The following B4GALNT4 variants were observed in gnomAD, a reference collection of about 807,000 sequenced individuals.
The protein encoded by B4GALNT4 is N-acetyl-beta-glucosaminyl-glycoprotein 4-beta-N-acetylgalactosaminyltransferase 1.
A neutral mutation model predicts 110.0 loss-of-function variants in B4GALNT4; 77 were observed. That is an observed-to-expected ratio of 0.70 (90% CI 0.58 to 0.85). B4GALNT4 has a LOEUF of 0.85. B4GALNT4 is among the 40% of genes least tolerant of loss of function. B4GALNT4 has a pLI of 0.00. For missense variants in B4GALNT4, 1,575 were observed against 1,506.0 expected, an observed-to-expected ratio of 1.05 and a Z score of -0.76; for synonymous variants, 785 against 655.5, an observed-to-expected ratio of 1.20 and a Z score of -3.02.
chr11:381,693 G>T lies in B4GALNT4; in HGVS notation c.3021G>T (p.Val1007=), dbSNP rs373122081. 22 of 1,592,562 alleles carry T rather than the reference G, an allele frequency of 1.4e-5. No homozygotes were observed. In the East Asian group the frequency reaches 4.9e-4, roughly 36 times the overall value. The change falls in exon 20 of 20, where the codon GTG becomes GTT. Residue 1007 remains valine (V), a synonymous_variant. Coordinates refer to ENST00000329962, the MANE Select transcript of B4GALNT4 (RefSeq NM_178537.5). Reference sequence around the variant, plus strand: ...GGGTCCTGCAGGCAGGGCTGGAGGTGGAGCGGCTCCGACTGCGGAATTTCT... The same window carrying T: ...GGGTCCTGCAGGCAGGGCTGGAGGTTGAGCGGCTCCGACTGCGGAATTTCT... ...LDRVLQAGLE[V]ERLRLRNFYH...
At chr11:375,797 C>T in intron 10 of B4GALNT4, 24 bp downstream of exon 10, 3 of 1,601,234 alleles carry the variant, frequency 1.9e-6, no homozygotes, top group Non-Finnish European at 2.5e-6. Flanking sequence ...CGCGCGGGGG[C>T]GAGGGCGGGG....
chr11:381,793 G>A lies in B4GALNT4; in HGVS notation c.*1G>A, dbSNP rs779240857. The A allele has an allele frequency of 6.3e-7, 1 of 1,575,534 alleles. No individual in the cohort carries two copies. Among genetic ancestry groups the A allele is most frequent in the Admixed American group, 1.9e-5 (1 of 52,472 alleles). The stretch of plus-strand genomic sequence containing the variant: ...GGGCTCTCGCACGGGGGCGTCTTGA[G>A]GACGGGCAGCCCCTCCCAGCCCCGG... On this transcript the variant is annotated 3_prime_UTR_variant, in exon 20 of 20. Coordinates refer to ENST00000329962, the MANE Select transcript of B4GALNT4 (RefSeq NM_178537.5).
In B4GALNT4 at chr11:375,465, G is replaced by C; in HGVS notation, c.788G>C (p.Arg263Pro). 1 of 1,611,714 alleles carries C rather than the reference G, an allele frequency of 6.2e-7. No individual in the cohort carries two copies. The highest frequency in any genetic ancestry group is 8.5e-7 in the Non-Finnish European group (1 of 1,179,770). Residue 263 changes from arginine (R) to proline (P), a missense_variant, in exon 9 of 20, where the codon CGA (arginine) becomes CCA (proline). Coordinates refer to ENST00000329962, the MANE Select transcript of B4GALNT4 (RefSeq NM_178537.5). Reference protein sequence around the residue: ...RGSDHVEVGWRAFLPGLKFEV... With the variant: ...RGSDHVEVGWPAFLPGLKFEV... ...CCCACCCTCTCTGCCCCGCAGTGGC[G>C]AGCTTTCCTGCCCGGCCTGAAGTTC... is the stretch of plus-strand genomic sequence containing the variant.
At position 369,961 on chromosome 11, in the gene B4GALNT4, C is replaced by T; in HGVS notation, c.151+7C>T. On this transcript the variant is annotated splice_region_variant and intron_variant, in intron 1 of 19. Coordinates refer to ENST00000329962, the MANE Select transcript of B4GALNT4 (RefSeq NM_178537.5). ...CGCCTGGGCTACGGGCGAGGTACGG[C>T]GCGGGGGGCGCGGGGGGCGCGGGGG... 1 of 440,878 alleles carries T rather than the reference C, an allele frequency of 2.3e-6. No homozygotes were observed. Among genetic ancestry groups the T allele is most frequent in the Non-Finnish European group, 2.8e-6 (1 of 361,666 alleles). The allele number at this position is 440,878 out of a possible 1,614,324, so 27.3% of individuals were successfully genotyped here.
Position 375,837 on chromosome 11 carries a change from C to A in B4GALNT4, c.986-10C>A, listed in dbSNP as rs374812429. The A allele has an allele frequency of 5.8e-5, 93 of 1,607,584 alleles. No individual in the cohort carries two copies. Among genetic ancestry groups the A allele is most frequent in the Non-Finnish European group, 7.6e-5 (90 of 1,178,604 alleles). On this transcript the variant is annotated splice_polypyrimidine_tract_variant and intron_variant, in intron 10 of 19. Transcript: ENST00000329962. ...CTGCCCCAGCCACCCTGTGACCGCACCTCCTGCAGCTCCACGCATGGAATC... is the reference window on the plus strand; with the variant it reads ...CTGCCCCAGCCACCCTGTGACCGCAACTCCTGCAGCTCCACGCATGGAATC...
At position 376,102 on chromosome 11, in the gene B4GALNT4, A is replaced by G; in HGVS notation, c.1124A>G (p.Asp375Gly). 1.2e-6 allele frequency: 2 copies of G among 1,607,902 alleles called. No homozygotes were observed. Among genetic ancestry groups the G allele is most frequent in the East Asian group, 2.2e-5 (1 of 44,578 alleles). Reference sequence around the variant, plus strand: ...TACCTGTCCTTCGTTTATCCCAACGACTACACTCGCCTCACCCACATGGAG... The same window carrying G: ...TACCTGTCCTTCGTTTATCCCAACGGCTACACTCGCCTCACCCACATGGAG... ...FVYLSFVYPNDYTRLTHMETD... is the reference protein window; with the variant it reads ...FVYLSFVYPNGYTRLTHMETD... The change falls in exon 12 of 20, where the codon GAC (aspartate) becomes GGC (glycine). Residue 375 changes from aspartate (D) to glycine (G), a missense_variant. By Grantham distance (94) the Asp-to-Gly change is moderately conservative. Transcript: ENST00000329962.
In B4GALNT4 at chr11:376,947, A is replaced by G. The variant is rs1392180367; in HGVS notation, c.1824A>G (p.Gly608=). 2.8e-6 allele frequency: 4 copies of G among 1,442,994 alleles called. No homozygotes were observed. The highest frequency in any genetic ancestry group is 1.5e-5 in the South Asian group (1 of 68,614). 89.4% of individuals were successfully genotyped at this position (1,442,994 alleles called of 1,614,324 possible). Residue 608 remains glycine, a synonymous_variant, in exon 14 of 20, where the codon GGA becomes GGG. Coordinates refer to ENST00000329962, the MANE Select transcript of B4GALNT4 (RefSeq NM_178537.5). ...GGGAGGGCCAGGCGCGCACGCTGGGACCTGCGGCGCCCACAGTGGACTCAA... is the reference window on the plus strand; with the variant it reads ...GGGAGGGCCAGGCGCGCACGCTGGGGCCTGCGGCGCCCACAGTGGACTCAA... ...GGREGQARTL[G]PAAPTVDSNL...
rs1846866784 is a variant in B4GALNT4, at chr11:381,090, G to T, written c.2996+139G>T. 10 of 1,462,824 alleles carry T rather than the reference G, an allele frequency of 6.8e-6. No homozygotes were observed. In the South Asian group the frequency reaches 1.3e-4, roughly 19 times the overall value. 90.6% of individuals were successfully genotyped at this position (1,462,824 alleles called of 1,614,324 possible). A position where few individuals can be genotyped will look rare whatever the true frequency, so the allele number is the denominator to read the frequency against. Reference sequence around the variant, plus strand: ...CCCTTCCCGGTCTTCCCAGTATCCTGTAGGCCTGGAGAGACTCCTCCACCC... The same window carrying T: ...CCCTTCCCGGTCTTCCCAGTATCCTTTAGGCCTGGAGAGACTCCTCCACCC... On this transcript the variant is annotated intron_variant, in intron 19 of 19. Transcript: ENST00000329962.
At chr11:373,426 A>T in intron 6 of B4GALNT4, 23 bp from the exon 7 acceptor site, 1 of 1,012,792 alleles carries the variant, frequency 9.9e-7, no homozygotes, top group Non-Finnish European at 1.5e-6. Context: ...CCCCACCACC[A>T]CCCCTGCTCT....
In B4GALNT4 at chr11:375,846, G is replaced by A; in HGVS notation, c.986-1G>A. ...CCACCCTGTGACCGCACCTCCTGCA[G>A]CTCCACGCATGGAATCTTCGAGCCT... On this transcript the variant is annotated splice_acceptor_variant, in intron 10 of 19. Coordinates refer to ENST00000329962, the MANE Select transcript of B4GALNT4 (RefSeq NM_178537.5). LOFTEE classifies it high-confidence loss of function. 1 of 1,608,866 alleles carries A rather than the reference G, an allele frequency of 6.2e-7. No individual in the cohort carries two copies. The highest frequency in any genetic ancestry group is 8.5e-7 in the Non-Finnish European group (1 of 1,178,812).
intron 14 of B4GALNT4, among the ~76,000 whole-genome samples, chr11:378,427 T>C (rs1846804957): frequency 6.6e-6 from 1 of 152,112 alleles, no homozygotes; most frequent in Non-Finnish European, 1.5e-5. Context: ...CATGGGAAGA[T>C]CATGGTTGTG....
chr11:372,296 C>A, intron 2 of B4GALNT4, 84 bp downstream of exon 2: 1 of 1,280,090 alleles, frequency 7.8e-7, no homozygotes, highest in Non-Finnish European at 1.1e-6. Context: ...AGAACCTGTC[C>A]ATTCTGGAGG....
chr11:370,526 G>A (rs575613066), intron 1 of B4GALNT4, among the ~76,000 whole-genome samples: 20 of 152,270 alleles, frequency 1.3e-4, no homozygotes, highest in Non-Finnish European at 2.2e-4. Flanking sequence ...GGAGCCTGGC[G>A]TAAACTCTCC....
In B4GALNT4 at chr11:373,211, G is replaced by A. The variant is rs1416222673; in HGVS notation, c.556G>A (p.Ala186Thr). The A allele has an allele frequency of 1.9e-6, 3 of 1,612,284 alleles. No homozygotes were observed. The highest frequency in any genetic ancestry group is 1.7e-6 in the Non-Finnish European group (2 of 1,179,608). Residue 186 changes from alanine (A) to threonine (T), a missense_variant, in exon 6 of 20, where the codon GCC becomes ACC. Physicochemically the swap from Ala to Thr is moderately conservative, Grantham distance 58. Transcript: ENST00000329962. ...ARDGDVQFSV[A>T]SDDNSEFWLS... is the part of the protein sequence containing the mutation. ...ACTAGGAGACGTCCAGTTTTCTGTG[G>A]CCTCAGACGACAACTCGGAGTTCTG...
rs564479763 is a variant in B4GALNT4, at chr11:379,801, G to T, written c.2489-65G>T. On this transcript the variant is annotated intron_variant, in intron 15 of 19. Transcript: ENST00000329962. ...TGGGTGTCCGGGATGAAGTTCTTCG[G>T]AGCTGGGAGGCCCCACCGTAGAGTC... 50 of 1,524,982 alleles carry T rather than the reference G, an allele frequency of 3.3e-5. No individual in the cohort carries two copies. In the African/African-American group the frequency reaches 6.3e-4, roughly 19 times the overall value. The allele number at this position is 1,524,982 out of a possible 1,614,324, so 94.5% of individuals were successfully genotyped here.
chr11:373,590 T>A, intron 7 of B4GALNT4, 74 bp downstream of exon 7: 1 of 1,553,064 alleles, frequency 6.4e-7, no homozygotes, highest in Non-Finnish European at 8.8e-7. Flanking sequence ...CTCCTTATCC[T>A]GTGCACACTT....
At chr11:370,452 G>T (rs1390206274) in intron 1 of B4GALNT4, among the ~76,000 whole-genome samples, 1 of 152,172 alleles carries the variant, frequency 6.6e-6, no homozygotes, top group Non-Finnish European at 1.5e-5. Context: ...TCCCGGCGGG[G>T]GCGCCTTCGG....
At chr11:379,322 C>A in intron 14 of B4GALNT4, 96 bp from the exon 15 acceptor site, 1 of 1,350,700 alleles carries the variant, frequency 7.4e-7, no homozygotes, top group Non-Finnish European at 9.6e-7. Context: ...TCCGCCAACT[C>A]CAAGTCGGCT....
chr11:376,378 G>C (rs1178374043), intron 13 of B4GALNT4, 27 bp downstream of exon 13: 1 of 1,603,076 alleles, frequency 6.2e-7, no homozygotes, highest in African/African-American at 1.3e-5. Flanking sequence ...CCCCTGGCCC[G>C]CACCCACCTG....
Sources: allele counts gnomAD v4.1 joint callset (sites outside exome capture counted in the v4.1 genomes callset), GRCh38; gene constraint gnomAD v4.1.1; transcripts MANE v1.5; gene names NCBI Gene and HGNC (gene_info 2026-07-23, HGNC 2026-07-21).